Variants in UIMC1 observed in about 807,000 individuals in gnomAD.
UIMC1 encodes BRCA1-A complex subunit RAP80.
A neutral mutation model predicts 84.9 loss-of-function variants in UIMC1; 42 were observed. That is an observed-to-expected ratio of 0.49 (90% CI 0.39 to 0.64). The LOEUF (loss-of-function observed/expected upper bound fraction) is 0.64, where lower values mean the gene tolerates loss of function less well. Ranked by LOEUF, UIMC1 falls within the 30% of genes least tolerant of loss-of-function variation. UIMC1 has a pLI of 0.00. For synonymous variants in UIMC1, 281 were observed against 293.0 expected (o/e 0.96, Z 0.42); for missense variants, 825 against 847.6 (o/e 0.97, Z 0.33).
At chr5:176,924,330 A>T (rs1046677465) in intron 10 of UIMC1, among the ~76,000 whole-genome samples, 246 of 151,328 alleles carry the variant, frequency 1.6e-3, no homozygotes, top group African/African-American at 5.7e-3. Flanking sequence ...AAAAAAAAAA[A>T]ATAATAAAAA....
chr5:176,980,599 C>A (rs775076778), intron 2 of UIMC1, among the ~76,000 whole-genome samples: 1 of 151,918 alleles, frequency 6.6e-6, no homozygotes, highest in Non-Finnish European at 1.5e-5. Context: ...CTGTAGTGTA[C>A]ATTTTCATTT....
chr5:176,918,582 G>A (rs576238308), intron 10 of UIMC1, among the ~76,000 whole-genome samples: 1 of 152,162 alleles, frequency 6.6e-6, no homozygotes, highest in Non-Finnish European at 1.5e-5. Context: ...TTAATGATGA[G>A]CTCAATTTCA....
chr5:176,941,292 C>T (rs1345933141), intron 10 of UIMC1, among the ~76,000 whole-genome samples: 4 of 152,000 alleles, frequency 2.6e-5, no homozygotes, highest in Non-Finnish European at 5.9e-5. Flanking sequence ...TTTATCTGCA[C>T]ATTGAAAGAG....
In UIMC1 at chr5:176,970,887, GAGA is replaced by G. The variant is rs569543697; in HGVS notation, c.233-24_233-22del. On this transcript the variant is annotated intron_variant, in intron 3 of 14. Transcript: ENST00000511320. ...CATCTCTGTAAGAGGATAGGGAAAA[GAGA>G]AGGAGGAACACCACAAACACTGAAT... 1.2e-4 allele frequency: 196 copies of G among 1,611,180 alleles called. No individual in the cohort carries two copies. In the South Asian group the frequency reaches 2.0e-3, roughly 16 times the overall value.
intron 9 of UIMC1, among the ~76,000 whole-genome samples, chr5:176,946,083 GC>G (rs1765071353): frequency 6.6e-6 from 1 of 152,010 alleles, no homozygotes. Context: ...ACCTACCCCT[GC>G]CCTCACTAAA....
chr5:176,938,213 G>A (rs1358608137), intron 10 of UIMC1, among the ~76,000 whole-genome samples: 4 of 139,322 alleles, frequency 2.9e-5, no homozygotes, highest in Non-Finnish European at 6.2e-5. Context: ...AAAAAAAAAA[G>A]GGAAAATTAC....
intron 1 of UIMC1, among the ~76,000 whole-genome samples, chr5:176,983,853 G>A (rs559807449): frequency 1.6e-3 from 222 of 136,810 alleles, no homozygotes; most frequent in African/African-American, 5.8e-3. Flanking sequence ...GCCCCGTCTG[G>A]GAGGAAGTGA....
intron 1 of UIMC1, among the ~76,000 whole-genome samples, chr5:176,994,621 G>C (rs1773327538): frequency 6.6e-6 from 1 of 152,054 alleles, no homozygotes; most frequent in Non-Finnish European, 1.5e-5. Context: ...TTCTTTAGGT[G>C]GCCACCAGCC....
At position 176,958,012 on chromosome 5, in the gene UIMC1, G is replaced by A. The variant is rs759082315; in HGVS notation, c.1262+81C>T. The A allele has an allele frequency of 8.1e-5, 112 of 1,381,888 alleles. 1 individual carries two copies. The highest frequency in any genetic ancestry group is 3.7e-4 in the Middle Eastern group (2 of 5,464). The allele number at this position is 1,381,888 out of a possible 1,614,324, so 85.6% of individuals were successfully genotyped here. A position where few individuals can be genotyped will look rare whatever the true frequency, so the allele number is the denominator to read the frequency against. ...AAAAGTTCTCTGGCAAGCTGTCCAC[G>A]TACAGTCTCACTCATGTGGTTCATC... On this transcript the variant is annotated intron_variant, in intron 7 of 14. Transcript: ENST00000511320.
chr5:176,944,002 G>A (rs1764776356), intron 9 of UIMC1, among the ~76,000 whole-genome samples: 1 of 152,146 alleles, frequency 6.6e-6, no homozygotes, highest in Admixed American at 6.5e-5. Context: ...TCAGTGTGCT[G>A]TGCCTGCTGG....
At chr5:176,955,365 T>A (rs1182375243) in intron 8 of UIMC1, among the ~76,000 whole-genome samples, 1 of 152,152 alleles carries the variant, frequency 6.6e-6, no homozygotes, top group Non-Finnish European at 1.5e-5. Flanking sequence ...TGACAGAACA[T>A]GCACAAAACT....
At position 177,014,961 on chromosome 5, in the gene UIMC1, G is replaced by A. The variant is rs552633032; in HGVS notation, c.-9+7503C>T. ...TAAGAAAGGAGTATAGACCAGGCAC[G>A]GTGGCTCATGCCTGTAATCCCAGCA... On this transcript the variant is annotated intron_variant, in intron 1 of 5. Transcript: ENST00000509236. Among the ~76,000 whole-genome samples the A allele has an allele frequency of 1.1e-4, 16 of 152,212 alleles. No homozygotes were observed. In the East Asian group the frequency reaches 1.4e-3, roughly 13 times the overall value.
intron 1 of UIMC1, among the ~76,000 whole-genome samples, chr5:176,995,404 CT>C: frequency 6.6e-6 from 1 of 151,360 alleles, no homozygotes; most frequent in East Asian, 1.9e-4. Flanking sequence ...CAAAAATTAG[CT>C]GGGTGTGGTG....
intron 2 of UIMC1, among the ~76,000 whole-genome samples, chr5:176,977,417 T>C (rs1770271739): frequency 6.6e-6 from 1 of 151,578 alleles, no homozygotes; most frequent in African/African-American, 2.4e-5. Context: ...CGTGCGTTCT[T>C]CTCAAGTACA....
intron 1 of UIMC1, among the ~76,000 whole-genome samples, chr5:177,001,711 G>T (rs185883527): frequency 7.9e-5 from 12 of 151,644 alleles, no homozygotes; most frequent in Non-Finnish European, 1.5e-4. Context: ...GGCTGAGGGG[G>T]GGCGGATCAC....
intron 10 of UIMC1, among the ~76,000 whole-genome samples, chr5:176,938,902 G>C (rs1221437921): frequency 6.6e-6 from 1 of 151,780 alleles, no homozygotes; most frequent in African/African-American, 2.4e-5. Context: ...TCCTTGAAGA[G>C]AGAAATCTTA....
intron 9 of UIMC1, among the ~76,000 whole-genome samples, chr5:176,949,049 T>C (rs1171388696): frequency 6.6e-6 from 1 of 152,076 alleles, no homozygotes. Flanking sequence ...TCTTTTAATG[T>C]GTAATCTTGG....
rs764045239 is a variant in UIMC1, at chr5:176,969,300, A to G, written c.464-9T>C. On this transcript the variant is annotated splice_polypyrimidine_tract_variant and intron_variant, in intron 5 of 14. Transcript: ENST00000511320. Reference sequence around the variant, plus strand: ...TACCAGCTGCCATATGCCTGTAGGTATTTGAGAAAAAGTAGGGCTAAGGAC... The same window carrying G: ...TACCAGCTGCCATATGCCTGTAGGTGTTTGAGAAAAAGTAGGGCTAAGGAC... 1 of 1,590,730 alleles carries G rather than the reference A, an allele frequency of 6.3e-7. No homozygotes were observed. The highest frequency in any genetic ancestry group is 1.1e-5 in the South Asian group (1 of 87,402).
At chr5:176,956,106 G>A (rs2149462285) in intron 7 of UIMC1, 71 bp from the exon 8 acceptor site, 3 of 1,466,336 alleles carry the variant, frequency 2.0e-6, no homozygotes, top group Middle Eastern at 3.5e-4. Flanking sequence ...AAGCAATGGT[G>A]AGTCACTCAC....
Sources: allele counts gnomAD v4.1 joint callset (sites outside exome capture counted in the v4.1 genomes callset), GRCh38; gene constraint gnomAD v4.1.1; transcripts MANE v1.5; gene names NCBI Gene and HGNC (gene_info 2026-07-23, HGNC 2026-07-21).